CAMK1D: variants seen among roughly 807,000 people sequenced by gnomAD.
The protein encoded by CAMK1D is calcium/calmodulin-dependent protein kinase type 1D.
CAMK1D carries 9 observed loss-of-function variants against 47.7 expected under a neutral mutation model. The observed-to-expected ratio is 0.19, with a 90% CI of 0.11 to 0.33. CAMK1D has a LOEUF of 0.33. Ranked by LOEUF, CAMK1D falls within the 10% of genes least tolerant of loss-of-function variation. CAMK1D has a pLI of 1.00. For missense variants in CAMK1D, 291 were observed against 488.7 expected, an observed-to-expected ratio of 0.60 and a Z score of 3.81; for synonymous variants, 184 against 184.9, an observed-to-expected ratio of 0.99 and a Z score of 0.04.
chr10:12,409,925 C>T (rs547552915), intron 1 of CAMK1D, among the ~76,000 whole-genome samples: 4 of 152,314 alleles, frequency 2.6e-5, no homozygotes, highest in Admixed American at 6.5e-5. Context: ...TGCCTATTCT[C>T]GGTACCTCAG....
chr10:12,769,849 C>A, intron 5 of CAMK1D, 50 bp downstream of exon 5: 1 of 1,602,988 alleles, frequency 6.2e-7, no homozygotes. Context: ...GTGATGTCCT[C>A]ATGTGTGGTG....
chr10:12,536,679 TATGTATGTATTATATACCC>T (rs779499535), intron 1 of CAMK1D, among the ~76,000 whole-genome samples: 1 of 152,184 alleles, frequency 6.6e-6, no homozygotes, highest in Non-Finnish European at 1.5e-5. Flanking sequence ...TTTCACTACC[TATGTATGTATTATATACCC>T]AAACAATGTA....
chr10:12,429,753 G>A (rs895956098), intron 1 of CAMK1D, among the ~76,000 whole-genome samples: 1 of 152,172 alleles, frequency 6.6e-6, no homozygotes, highest in Non-Finnish European at 1.5e-5. Flanking sequence ...GTTCAGGTTC[G>A]AGGTGGGTGT....
chr10:12,556,522 G>C (rs970740899), intron 2 of CAMK1D, among the ~76,000 whole-genome samples: 1 of 152,174 alleles, frequency 6.6e-6, no homozygotes, highest in Non-Finnish European at 1.5e-5. Context: ...CCTGGACAAT[G>C]AGCATAGTTT....
chr10:12,373,023 C>T (rs58202042), intron 1 of CAMK1D, among the ~76,000 whole-genome samples: 2,103 of 152,258 alleles, frequency 0.014, 47 homozygotes, highest in African/African-American at 0.048. Flanking sequence ...GACCCACTTC[C>T]CGGGTGGCCA....
At chr10:12,552,027 G>C (rs1836600069) in intron 1 of CAMK1D, among the ~76,000 whole-genome samples, 1 of 152,248 alleles carries the variant, frequency 6.6e-6, no homozygotes, top group Non-Finnish European at 1.5e-5. Context: ...CCTGTGCACA[G>C]AGCCCAAGTT....
chr10:12,701,839 G>C (rs1274869368), intron 3 of CAMK1D, among the ~76,000 whole-genome samples: 1 of 152,230 alleles, frequency 6.6e-6, no homozygotes, highest in East Asian at 1.9e-4. Context: ...ACTATTGGAA[G>C]CTTGGCTGGG....
At chr10:12,573,451 G>A (rs568652484) in intron 2 of CAMK1D, among the ~76,000 whole-genome samples, 3 of 152,312 alleles carry the variant, frequency 2.0e-5, no homozygotes, top group East Asian at 3.9e-4. Flanking sequence ...TGTGAGGCAG[G>A]ACATCATCAT....
intron 2 of CAMK1D, among the ~76,000 whole-genome samples, chr10:12,621,529 G>A (rs561909867): frequency 6.6e-6 from 1 of 151,696 alleles, no homozygotes; most frequent in South Asian, 2.1e-4. Context: ...TTCAATGATT[G>A]TAGATGGCAT....
chr10:12,514,268 C>T (rs1835121626), intron 1 of CAMK1D, among the ~76,000 whole-genome samples: 1 of 152,210 alleles, frequency 6.6e-6, no homozygotes, highest in Admixed American at 6.5e-5. Context: ...TAACCCTGCA[C>T]ACACATATAT....
chr10:12,553,417 A>C (rs1223251400), intron 2 of CAMK1D, 61 bp downstream of exon 2: 1 of 1,419,278 alleles, frequency 7.0e-7, no homozygotes, highest in Non-Finnish European at 9.9e-7. Context: ...GTCCTGCAGG[A>C]GTCCTGCCCC....
At chr10:12,464,390 G>T (rs1219511428) in intron 1 of CAMK1D, among the ~76,000 whole-genome samples, 9 of 152,174 alleles carry the variant, frequency 5.9e-5, no homozygotes, top group Admixed American at 5.9e-4. Context: ...AGCTTTTGCA[G>T]ACTCACCTTG....
chr10:12,691,345 T>G, intron 3 of CAMK1D, among the ~76,000 whole-genome samples: 1 of 133,624 alleles, frequency 7.5e-6, no homozygotes, highest in Admixed American at 8.0e-5. Context: ...AGGGCTGAAG[T>G]TTTCTATATA....
intron 2 of CAMK1D, among the ~76,000 whole-genome samples, chr10:12,588,869 TGTGTGTGTGTGTGTGCGTGC>T (rs1252964984): frequency 2.2e-5 from 3 of 139,268 alleles, no homozygotes; most frequent in African/African-American, 9.3e-5. Flanking sequence ...TGTATATATG[TGTGTGTGTGTGTGTGCGTGC>T]GTGTGTGTGT....
In CAMK1D at chr10:12,623,907, C is replaced by T. The variant is rs898925840; in HGVS notation, c.225-42829C>T. On this transcript the variant is annotated intron_variant, in intron 2 of 10. Coordinates refer to ENST00000619168, the MANE Select transcript of CAMK1D (RefSeq NM_153498.4). Reference sequence around the variant, plus strand: ...CAGCCTGGTCAACATGGTGAAACCCCGTCTCTACTAAAAATACAAAAATTA... The same window carrying T: ...CAGCCTGGTCAACATGGTGAAACCCTGTCTCTACTAAAAATACAAAAATTA... 5.3e-5 allele frequency among the ~76,000 whole-genome samples: 8 copies of T among 152,026 alleles called. 1 individual carries two copies. The highest frequency in any genetic ancestry group is 3.9e-4 in the East Asian group (2 of 5,148).
intron 3 of CAMK1D, among the ~76,000 whole-genome samples, chr10:12,714,946 C>T (rs746894338): frequency 2.0e-5 from 3 of 152,094 alleles, no homozygotes; most frequent in Non-Finnish European, 2.9e-5. Context: ...TTTGTCTTTT[C>T]TGTGTTGGGA....
chr10:12,651,550 C>T (rs1839965157), intron 2 of CAMK1D, among the ~76,000 whole-genome samples: 2 of 151,904 alleles, frequency 1.3e-5, no homozygotes, highest in Admixed American at 6.6e-5. Context: ...TGCCACCACA[C>T]CCAGCTAATT....
chr10:12,461,835 C>T (rs1343077555), intron 1 of CAMK1D, among the ~76,000 whole-genome samples: 3 of 152,086 alleles, frequency 2.0e-5, no homozygotes, highest in East Asian at 1.9e-4. Flanking sequence ...GAGTGGAGAC[C>T]GTATTGTTTT....
intron 3 of CAMK1D, among the ~76,000 whole-genome samples, chr10:12,729,383 C>A (rs529707052): frequency 2.0e-5 from 3 of 152,214 alleles, no homozygotes; most frequent in African/African-American, 7.2e-5. Context: ...TGCCTGTAAT[C>A]GCAGCACTTT....
Sources: allele counts gnomAD v4.1 joint callset (sites outside exome capture counted in the v4.1 genomes callset), GRCh38; gene constraint gnomAD v4.1.1; transcripts MANE v1.5; gene names NCBI Gene and HGNC (gene_info 2026-07-23, HGNC 2026-07-21).